The following LAMC1 variants were observed in gnomAD, a reference collection of about 807,000 sequenced individuals.
LAMC1 encodes laminin subunit gamma-1.
In LAMC1, 38 loss-of-function variants were observed where a neutral mutation model predicts 173.6. That is an observed-to-expected ratio of 0.22 (90% confidence interval 0.17 to 0.29). The LOEUF (loss-of-function observed/expected upper bound fraction) is 0.29. LAMC1 is among the 10% of genes least tolerant of loss of function. The probability of loss-of-function intolerance (pLI) is 1.00; values close to 1 mark genes in which losing one functional copy is unlikely to be tolerated. For missense variants in LAMC1, 1,824 were observed against 2,051.8 expected (o/e 0.89, Z 2.14); for synonymous variants, 746 against 749.1 (o/e 1.00, Z 0.07).
intron 1 of LAMC1, among the ~76,000 whole-genome samples, chr1:183,031,579 C>G (rs1034093681): frequency 6.6e-6 from 1 of 152,186 alleles, no homozygotes; most frequent in Non-Finnish European, 1.5e-5. Flanking sequence ...GCTGGGATTA[C>G]AGGCATGAGC....
intron 1 of LAMC1, among the ~76,000 whole-genome samples, chr1:183,079,358 G>A (rs184471297): frequency 1.2e-3 from 166 of 141,760 alleles, no homozygotes; most frequent in African/African-American, 4.1e-3. Context: ...AGGTTCAAGC[G>A]ATTCTCCTGC....
intron 1 of LAMC1, among the ~76,000 whole-genome samples, chr1:183,073,056 C>T (rs183988115): frequency 3.4e-4 from 52 of 152,258 alleles, no homozygotes; most frequent in African/African-American, 1.2e-3. Context: ...ATCCTGAAAC[C>T]GGTTCCTGGT....
chr1:183,031,593 C>T (rs1653851885), intron 1 of LAMC1, among the ~76,000 whole-genome samples: 1 of 152,162 alleles, frequency 6.6e-6, no homozygotes, highest in Admixed American at 6.5e-5. Flanking sequence ...CATGAGCCAC[C>T]ACACCCGGCC....
intron 1 of LAMC1, among the ~76,000 whole-genome samples, chr1:183,099,601 G>T (rs556967558): frequency 6.6e-6 from 1 of 151,862 alleles, no homozygotes; most frequent in African/African-American, 2.4e-5. Context: ...CCTCCCTCTG[G>T]CTGCCCCCTC....
chr1:183,120,967 C>T (rs1276878262), intron 11 of LAMC1, among the ~76,000 whole-genome samples: 1 of 152,116 alleles, frequency 6.6e-6, no homozygotes. Context: ...AGAATGAAAA[C>T]ACTCCTTAAT....
At chr1:183,094,761 T>C (rs573368783) in intron 1 of LAMC1, among the ~76,000 whole-genome samples, 1 of 152,312 alleles carries the variant, frequency 6.6e-6, no homozygotes, top group Admixed American at 6.5e-5. Flanking sequence ...AAACAGTACA[T>C]GATCAGGGGA....
intron 27 of LAMC1, among the ~76,000 whole-genome samples, chr1:183,142,233 G>C (rs1441220370): frequency 6.6e-6 from 1 of 152,178 alleles, no homozygotes; most frequent in Non-Finnish European, 1.5e-5. Context: ...GCCCTCAAAG[G>C]TCTAGAACAT....
chr1:183,107,636 C>G (rs1375115057), intron 2 of LAMC1, among the ~76,000 whole-genome samples: 3 of 152,136 alleles, frequency 2.0e-5, no homozygotes, highest in Non-Finnish European at 4.4e-5. Flanking sequence ...CGAGACCATC[C>G]TGGCTAACAC....
At chr1:183,126,093 T>C in intron 15 of LAMC1, 27 bp from the exon 16 acceptor site, 1 of 1,596,982 alleles carries the variant, frequency 6.3e-7, no homozygotes, top group South Asian at 1.2e-5. Context: ...TTTTCTTGCC[T>C]GAGAAATGTC....
Position 183,026,210 on chromosome 1 carries a change from T to TA in LAMC1, c.418+2079dup, listed in dbSNP as rs775956868. ...AGTTTAAAACTTGTAAGTTAAAAGT[T>TA]AAAGTATTTTCTTACAAGCATTGTG... On this transcript the variant is annotated intron_variant, in intron 1 of 27. Coordinates refer to ENST00000258341, the MANE Select transcript of LAMC1 (RefSeq NM_002293.4). Among the ~76,000 whole-genome samples, 38 of 152,346 alleles carry TA rather than the reference T, an allele frequency of 2.5e-4. No homozygotes were observed. The South Asian group carries it at 2.7e-3, about 11-fold the overall frequency.
intron 27 of LAMC1, among the ~76,000 whole-genome samples, chr1:183,142,243 T>C (rs1183462710): frequency 1.3e-5 from 2 of 152,218 alleles, no homozygotes; most frequent in African/African-American, 4.8e-5. Context: ...GTCTAGAACA[T>C]GGTAGCTGTG....
chr1:183,028,595 G>C (rs1362568468), intron 1 of LAMC1, among the ~76,000 whole-genome samples: 1 of 152,230 alleles, frequency 6.6e-6, no homozygotes, highest in African/African-American at 2.4e-5. Flanking sequence ...CTACCTAGTT[G>C]ATTGCATTCG....
chr1:183,104,688 G>A (rs1291689782), intron 2 of LAMC1, among the ~76,000 whole-genome samples: 1 of 152,084 alleles, frequency 6.6e-6, no homozygotes, highest in African/African-American at 2.4e-5. Flanking sequence ...GTATGGTTTT[G>A]GACAGTGACA....
intron 17 of LAMC1, 113 bp downstream of exon 17, chr1:183,127,517 C>G: frequency 1.2e-6 from 1 of 864,134 alleles, no homozygotes; most frequent in Non-Finnish European, 1.8e-6. Flanking sequence ...GGTCCCTGTT[C>G]TTAAAGACTT....
chr1:183,128,452 T>G (rs1043904097), intron 17 of LAMC1, 142 bp from the exon 18 acceptor site: 30 of 560,240 alleles, frequency 5.4e-5, no homozygotes, highest in Non-Finnish European at 1.2e-5. Flanking sequence ...ATCCTAAAAC[T>G]TAAAGTATAA....
chr1:183,122,681 A>C (rs761310302), intron 13 of LAMC1, among the ~76,000 whole-genome samples: 1 of 152,108 alleles, frequency 6.6e-6, no homozygotes, highest in African/African-American at 2.4e-5. Flanking sequence ...TGAGACCTGC[A>C]TGCACTACAT....
intron 1 of LAMC1, among the ~76,000 whole-genome samples, chr1:183,100,422 T>C (rs937739043): frequency 6.6e-6 from 1 of 152,224 alleles, no homozygotes; most frequent in East Asian, 1.9e-4. Flanking sequence ...GCTCTGCTTC[T>C]TGTTTGCCTC....
chr1:183,064,712 A>G (rs1003438305), intron 1 of LAMC1, among the ~76,000 whole-genome samples: 2 of 152,218 alleles, frequency 1.3e-5, no homozygotes, highest in African/African-American at 4.8e-5. Context: ...CAAAATAACA[A>G]ATATGGCAGG....
chr1:183,061,765 A>G (rs1405364409), intron 1 of LAMC1, among the ~76,000 whole-genome samples: 1 of 152,266 alleles, frequency 6.6e-6, no homozygotes, highest in Non-Finnish European at 1.5e-5. Context: ...GTGAATACAC[A>G]CATGTAAGGC....
Sources: allele counts gnomAD v4.1 joint callset (sites outside exome capture counted in the v4.1 genomes callset), GRCh38; gene constraint gnomAD v4.1.1; transcripts MANE v1.5; gene names NCBI Gene and HGNC (gene_info 2026-07-23, HGNC 2026-07-21).